LSAMP: variants seen among roughly 807,000 people sequenced by gnomAD.
LSAMP encodes limbic system-associated membrane protein.
A neutral mutation model predicts 38.6 loss-of-function variants in LSAMP; 7 were observed. The observed-to-expected ratio is 0.18, with a 90% CI of 0.10 to 0.34. LSAMP has a LOEUF of 0.34. Ranked by LOEUF, LSAMP falls within the 10% of genes least tolerant of loss-of-function variation. The pLI is 1.00. For missense variants in LSAMP, 313 were observed against 420.0 expected (o/e 0.75, Z 2.23); for synonymous variants, 154 against 166.8 (o/e 0.92, Z 0.59).
intron 3 of LSAMP, among the ~76,000 whole-genome samples, chr3:115,881,792 C>T (rs751330234): frequency 6.6e-6 from 1 of 152,134 alleles, no homozygotes; most frequent in Non-Finnish European, 1.5e-5. Flanking sequence ...CATCCCTTCA[C>T]TCATCTAATA....
intron 1 of LSAMP, among the ~76,000 whole-genome samples, chr3:116,204,923 T>C (rs1470385900): frequency 7.0e-6 from 1 of 143,646 alleles, no homozygotes; most frequent in African/African-American, 2.5e-5. Context: ...AAGTAGTTTT[T>C]TCCAATTCTG....
At chr3:116,089,547 C>A (rs1407835743) in intron 1 of LSAMP, among the ~76,000 whole-genome samples, 3 of 152,008 alleles carry the variant, frequency 2.0e-5, no homozygotes, top group Non-Finnish European at 4.4e-5. Flanking sequence ...TTAGCAGAGA[C>A]GGGGTTTCAG....
rs375832547 is a variant in LSAMP, at chr3:115,869,612, T to C, written c.515-16995A>G. Among the ~76,000 whole-genome samples the C allele has an allele frequency of 9.9e-5, 15 of 152,260 alleles. No individual in the cohort carries two copies. The South Asian group carries it at 3.1e-3, about 32-fold the overall frequency. Reference sequence around the variant, plus strand: ...GATGTTCTAGTACTTTACTTTTGAATATGATGAACAGTGCCCAGACACAGT... The same window carrying C: ...GATGTTCTAGTACTTTACTTTTGAACATGATGAACAGTGCCCAGACACAGT... On this transcript the variant is annotated intron_variant, in intron 3 of 6. Transcript: ENST00000490035.
chr3:116,246,044 A>G (rs1468564040), intron 1 of LSAMP, among the ~76,000 whole-genome samples: 1 of 152,070 alleles, frequency 6.6e-6, no homozygotes, highest in East Asian at 1.9e-4. Context: ...TCCAGTCCAA[A>G]CTCTTTACTT....
intron 1 of LSAMP, among the ~76,000 whole-genome samples, chr3:116,412,098 G>A (rs373169495): frequency 6.6e-6 from 1 of 151,978 alleles, no homozygotes; most frequent in African/African-American, 2.4e-5. Flanking sequence ...AGCGGACTAA[G>A]GCAGTTATAT....
At chr3:116,031,138 A>C (rs1006494418) in intron 2 of LSAMP, among the ~76,000 whole-genome samples, 1 of 152,186 alleles carries the variant, frequency 6.6e-6, no homozygotes, top group Non-Finnish European at 1.5e-5. Context: ...GGAAGATTTT[A>C]AACCAGACAG....
At chr3:115,815,399 AG>A (rs1328532884) in intron 6 of LSAMP, among the ~76,000 whole-genome samples, 2 of 152,060 alleles carry the variant, frequency 1.3e-5, no homozygotes, top group Non-Finnish European at 2.9e-5. Context: ...GTTTTCTTTG[AG>A]TAATGGGTCT....
chr3:116,354,778 C>T (rs935667643), intron 1 of LSAMP, among the ~76,000 whole-genome samples: 1 of 151,930 alleles, frequency 6.6e-6, no homozygotes, highest in African/African-American at 2.4e-5. Flanking sequence ...GAGGGAAATA[C>T]AGAGAAAGTA....
intron 3 of LSAMP, among the ~76,000 whole-genome samples, chr3:115,901,850 T>C (rs187103980): frequency 3.9e-5 from 6 of 152,218 alleles, no homozygotes; most frequent in East Asian, 3.9e-4. Context: ...TAAACACATA[T>C]GGGTTGTTTA....
intron 1 of LSAMP, among the ~76,000 whole-genome samples, chr3:116,280,590 A>ATACT (rs1347902651): frequency 6.6e-6 from 1 of 152,202 alleles, no homozygotes; most frequent in Admixed American, 6.5e-5. Context: ...CTATTCGATG[A>ATACT]TACTTAGGGC....
At chr3:115,985,789 G>A (rs984233895) in intron 3 of LSAMP, among the ~76,000 whole-genome samples, 4 of 152,156 alleles carry the variant, frequency 2.6e-5, no homozygotes, top group Non-Finnish European at 5.9e-5. Flanking sequence ...AGGTGAACTT[G>A]GAAGTAGACT....
intron 1 of LSAMP, among the ~76,000 whole-genome samples, chr3:116,210,354 T>C (rs2046139077): frequency 1.3e-5 from 2 of 152,176 alleles, no homozygotes; most frequent in Non-Finnish European, 2.9e-5. Flanking sequence ...CAACTGCCAG[T>C]GCGGCTTGAA....
At chr3:116,221,623 AG>A (rs1180158891) in intron 1 of LSAMP, among the ~76,000 whole-genome samples, 2 of 152,178 alleles carry the variant, frequency 1.3e-5, no homozygotes, top group African/African-American at 2.4e-5. Context: ...TGTGTGAGAA[AG>A]GCAGAACCTT....
At chr3:115,919,245 T>C (rs1314026231) in intron 3 of LSAMP, among the ~76,000 whole-genome samples, 1 of 152,218 alleles carries the variant, frequency 6.6e-6, no homozygotes, top group African/African-American at 2.4e-5. Context: ...CCTGTTTCTA[T>C]AGGCCTGGGC....
chr3:116,085,285 C>G (rs1707963328), intron 2 of LSAMP, among the ~76,000 whole-genome samples: 1 of 152,144 alleles, frequency 6.6e-6, no homozygotes, highest in Non-Finnish European at 1.5e-5. Context: ...ACCAGGCAGT[C>G]TCTGATGTAT....
chr3:116,033,916 A>G (rs1461084904), intron 2 of LSAMP, among the ~76,000 whole-genome samples: 1 of 152,126 alleles, frequency 6.6e-6, no homozygotes, highest in African/African-American at 2.4e-5. Flanking sequence ...TTGACTTTGC[A>G]TCAGCTCTAT....
intron 1 of LSAMP, among the ~76,000 whole-genome samples, chr3:116,326,052 C>T (rs1470861288): frequency 6.6e-6 from 1 of 152,110 alleles, no homozygotes; most frequent in African/African-American, 2.4e-5. Context: ...TATTTGAACA[C>T]TCAGTTGTTT....
At chr3:115,939,585 T>TCTTTCTTTCTTTC (rs58450242) in intron 3 of LSAMP, among the ~76,000 whole-genome samples, 2 of 150,214 alleles carry the variant, frequency 1.3e-5, no homozygotes, top group East Asian at 1.9e-4. Flanking sequence ...TCTTTCTTTC[T>TCTTTCTTTCTTTC]GTTAAGAGAC....
chr3:116,030,250 C>T (rs1940889000), intron 2 of LSAMP, among the ~76,000 whole-genome samples: 1 of 152,104 alleles, frequency 6.6e-6, no homozygotes, highest in Admixed American at 6.5e-5. Flanking sequence ...ATCCAGACAC[C>T]AGCAAGTGCA....
Sources: allele counts gnomAD v4.1 joint callset (sites outside exome capture counted in the v4.1 genomes callset), GRCh38; gene constraint gnomAD v4.1.1; transcripts MANE v1.5; gene names NCBI Gene and HGNC (gene_info 2026-07-23, HGNC 2026-07-21).